The following NADSYN1 variants were observed in gnomAD, a reference collection of about 807,000 sequenced individuals.
NADSYN1 encodes glutamine-dependent NAD(+) synthetase.
A neutral mutation model predicts 99.3 loss-of-function variants in NADSYN1; 80 were observed. The ratio of observed to expected loss-of-function variants is 0.81; its 90% CI spans 0.67 to 0.97. The LOEUF is 0.97. Among genes scored for constraint, NADSYN1 ranks in the 50% least tolerant of loss-of-function variants. The probability of loss-of-function intolerance (pLI) is 0.00; values close to 1 mark genes in which losing one functional copy is unlikely to be tolerated. For synonymous variants in NADSYN1, 385 were observed against 372.1 expected (o/e 1.03, Z -0.40); for missense variants, 859 against 948.5 (o/e 0.91, Z 1.24).
At chr11:71,465,432 G>C (rs1044277383) in intron 5 of NADSYN1, among the ~76,000 whole-genome samples, 3 of 152,204 alleles carry the variant, frequency 2.0e-5, no homozygotes, top group Non-Finnish European at 4.4e-5. Flanking sequence ...GTTCAGCGCA[G>C]ATCACATGGA....
chr11:71,482,967 C>T lies in NADSYN1; in HGVS notation c.1269C>T (p.Ser423=). Residue 423 remains serine (S), a synonymous_variant, in exon 14 of 21, where the codon TCC becomes TCT. Transcript: ENST00000319023. ...CCTGCTACATGGCCAGCAAGAACTC[C>T]TCCCAGGAGACGTGCACCCGGGCCA... ...LTTCYMASKN[S]SQETCTRARE... is the part of the protein sequence containing the mutation. 3.1e-6 allele frequency: 5 copies of T among 1,612,980 alleles called. No homozygotes were observed. Among genetic ancestry groups the T allele is most frequent in the Non-Finnish European group, 4.2e-6 (5 of 1,179,626 alleles).
intron 9 of NADSYN1, chr11:71,476,930 C>T (rs1337418531): frequency 1.0e-6 from 1 of 990,522 alleles, no homozygotes; most frequent in Non-Finnish European, 1.2e-6. Context: ...TCTAGAGTTC[C>T]TGATGTTGCC....
chr11:71,498,142 T>G (rs1189972724), intron 19 of NADSYN1, among the ~76,000 whole-genome samples: 1 of 152,080 alleles, frequency 6.6e-6, no homozygotes, highest in Non-Finnish European at 1.5e-5. Flanking sequence ...GACCCCGGTT[T>G]CATAGCATCA....
rs1949492166 is a variant in NADSYN1, at chr11:71,453,342, G to A, written c.46G>A (p.Ala16Thr). The part of the protein sequence containing the change: ...TVATCALNQW[A>T]LDFEGNLQRI... ...GGCCACCTGCGCACTCAACCAGTGG[G>A]CCCTGGACTTCGAGGGCAATTTGCA... The change falls in exon 1 of 21, where the codon GCC (alanine) becomes ACC (threonine). Residue 16 changes from alanine to threonine, a missense_variant. Coordinates refer to ENST00000319023, the MANE Select transcript of NADSYN1 (RefSeq NM_018161.5). The A allele has an allele frequency of 6.2e-7, 1 of 1,613,914 alleles. No individual in the cohort carries two copies. Among genetic ancestry groups the A allele is most frequent in the Middle Eastern group, 1.7e-4 (1 of 6,060 alleles).
At chr11:71,484,238 G>T in intron 14 of NADSYN1, 74 bp from the exon 15 acceptor site, 1 of 1,567,390 alleles carries the variant, frequency 6.4e-7, no homozygotes, top group Non-Finnish European at 8.7e-7. Flanking sequence ...GGTCATCAGG[G>T]CTTCACCGCT....
Position 71,480,648 on chromosome 11 carries a change from G to C in NADSYN1, c.874-107G>C. 3.2e-6 allele frequency: 5 copies of C among 1,554,100 alleles called. No individual in the cohort carries two copies. The South Asian group carries it at 5.8e-5, about 18-fold the overall frequency. ...GTGAGGGTGGCCTCACTGTGGTTTTGACATGCGTTTCTGTGGCTGATGGAG... is the reference window on the plus strand; with the variant it reads ...GTGAGGGTGGCCTCACTGTGGTTTTCACATGCGTTTCTGTGGCTGATGGAG... On this transcript the variant is annotated intron_variant, in intron 10 of 20. Transcript: ENST00000319023.
intron 13 of NADSYN1, 68 bp from the exon 14 acceptor site, chr11:71,482,781 G>A: frequency 3.9e-6 from 6 of 1,555,588 alleles, no homozygotes; most frequent in East Asian, 2.3e-5. Context: ...GTGTAGACCG[G>A]GGTGGAACTA....
At position 71,480,741 on chromosome 11, in the gene NADSYN1, A is replaced by G; in HGVS notation, c.874-14A>G. 6.2e-7 allele frequency: 1 copy of G among 1,613,770 alleles called. No homozygotes were observed. Among genetic ancestry groups the G allele is most frequent in the Non-Finnish European group, 8.5e-7 (1 of 1,179,962 alleles). Reference sequence around the variant, plus strand: ...GAAGCTGGGAGTCATTCTGTCTTGAATCTCCATTGCCAGGCCAGCAGGGCG... The same window carrying G: ...GAAGCTGGGAGTCATTCTGTCTTGAGTCTCCATTGCCAGGCCAGCAGGGCG... On this transcript the variant is annotated splice_polypyrimidine_tract_variant and intron_variant, in intron 10 of 20. Coordinates refer to ENST00000319023, the MANE Select transcript of NADSYN1 (RefSeq NM_018161.5).
chr11:71,474,289 C>T, intron 8 of NADSYN1, 106 bp from the exon 9 acceptor site: 1 of 1,463,362 alleles, frequency 6.8e-7, no homozygotes, highest in Non-Finnish European at 9.4e-7. Flanking sequence ...TGGGACCACT[C>T]AGGATGACCT....
intron 10 of NADSYN1, 38 bp downstream of exon 10, chr11:71,478,507 CAAAGACGTGG>C (rs760798747): frequency 2.2e-5 from 34 of 1,556,450 alleles, no homozygotes; most frequent in Non-Finnish European, 2.9e-5. Context: ...GGATGCTCAT[CAAAGACGTGG>C]AAAGTGGCCC....
At position 71,476,366 on chromosome 11, in the gene NADSYN1, C is replaced by T. The variant is rs115053990; in HGVS notation, c.798+1840C>T. 4.4e-3 allele frequency: 1,557 copies of T among 351,140 alleles called. 24 individuals carry two copies. The highest frequency in any genetic ancestry group is 0.031 in the African/African-American group (1,455 of 46,784). The allele number at this position is 351,140 out of a possible 1,614,324, so 21.8% of individuals were successfully genotyped here. On this transcript the variant is annotated intron_variant, in intron 9 of 20. Transcript: ENST00000319023. The stretch of plus-strand genomic sequence containing the variant: ...TTGTGTCCTGGCGTCGCCGACTCTG[C>T]GAGGCTGTCTGAGCAGTTCATTGCT...
chr11:71,480,755 G>A lies in NADSYN1; in HGVS notation c.874G>A (p.Ala292Thr). ...RAEISSRNLA[A>T]SRASPYPRVK... The stretch of plus-strand genomic sequence containing the variant: ...TTCTGTCTTGAATCTCCATTGCCAG[G>A]CCAGCAGGGCGAGCCCCTACCCCAG... The change falls in exon 11 of 21, where the codon GCC (alanine) becomes ACC (threonine). Residue 292 changes from alanine (A) to threonine (T), a missense_variant and splice_region_variant. Ala to Thr is a moderately conservative substitution (Grantham distance 58). Transcript: ENST00000319023. 1 of 1,614,066 alleles carries A rather than the reference G, an allele frequency of 6.2e-7. No individual in the cohort carries two copies. The highest frequency in any genetic ancestry group is 8.5e-7 in the Non-Finnish European group (1 of 1,180,008).
At chr11:71,460,962 AT>A (rs1480311151) in intron 3 of NADSYN1, 7 of 152,016 alleles carry the variant, frequency 4.6e-5, no homozygotes, top group African/African-American at 1.7e-4. Flanking sequence ...TGTCTTATTT[AT>A]TTGCTTTGCT....
intron 9 of NADSYN1, among the ~76,000 whole-genome samples, chr11:71,475,821 TG>T (rs1452416377): frequency 6.6e-6 from 1 of 152,154 alleles, no homozygotes; most frequent in Non-Finnish European, 1.5e-5. Flanking sequence ...AAAGCAATTC[TG>T]CCTCAGCCTC....
intron 16 of NADSYN1, among the ~76,000 whole-genome samples, chr11:71,487,982 A>G (rs1406294581): frequency 2.0e-5 from 3 of 152,058 alleles, no homozygotes; most frequent in South Asian, 2.1e-4. Flanking sequence ...TCTGTTTCCC[A>G]TGCTGCATCT....
intron 2 of NADSYN1, 59 bp from the exon 3 acceptor site, chr11:71,458,369 C>T (rs1391979808): frequency 8.8e-6 from 12 of 1,358,664 alleles, no homozygotes; most frequent in Non-Finnish European, 1.3e-5. Context: ...CCCACAGGCC[C>T]TGCCCCTCCC....
intron 9 of NADSYN1, 125 bp downstream of exon 9, chr11:71,474,651 T>A: frequency 3.2e-6 from 4 of 1,257,912 alleles, no homozygotes; most frequent in Non-Finnish European, 3.4e-6. Context: ...GGGTCCCGCC[T>A]GCTCCTGGCT....
At chr11:71,498,030 A>G (rs1050232720) in intron 19 of NADSYN1, among the ~76,000 whole-genome samples, 4 of 152,240 alleles carry the variant, frequency 2.6e-5, no homozygotes, top group African/African-American at 9.6e-5. Flanking sequence ...CCACAGCATC[A>G]GAGGCAGGGA....
intron 9 of NADSYN1, chr11:71,475,297 C>G (rs1949657897): frequency 6.5e-6 from 1 of 153,624 alleles, no homozygotes; most frequent in African/African-American, 2.4e-5. Context: ...CCAGGACACT[C>G]TGGTCAGGGA....
Sources: allele counts gnomAD v4.1 joint callset (sites outside exome capture counted in the v4.1 genomes callset), GRCh38; gene constraint gnomAD v4.1.1; transcripts MANE v1.5; gene names NCBI Gene and HGNC (gene_info 2026-07-23, HGNC 2026-07-21).